The following PDE1C variants were observed in gnomAD, a reference collection of about 807,000 sequenced individuals.
PDE1C encodes the protein phosphodiesterase 1C, also known as dual specificity calcium/calmodulin-dependent 3',5'-cyclic nucleotide phosphodiesterase 1C.
Under a neutral mutation model 93.1 loss-of-function variants are expected in PDE1C, and 62 were observed. That is an observed-to-expected ratio of 0.67 (90% CI 0.54 to 0.82). PDE1C has a LOEUF of 0.82. Among genes scored for constraint, PDE1C ranks in the 40% least tolerant of loss-of-function variants. The pLI is 0.00. For synonymous variants in PDE1C, 325 were observed against 310.1 expected (o/e 1.05, Z -0.50); for missense variants, 742 against 884.6 (o/e 0.84, Z 2.04).
chr7:32,166,890 T>TA (rs1308574256), intron 3 of PDE1C, among the ~76,000 whole-genome samples: 1 of 152,148 alleles, frequency 6.6e-6, no homozygotes, highest in Admixed American at 6.6e-5. Flanking sequence ...AAGTAAGACT[T>TA]AAAGTCTGCC....
At chr7:31,969,226 G>A (rs906361698) in intron 2 of PDE1C, among the ~76,000 whole-genome samples, 1 of 151,894 alleles carries the variant, frequency 6.6e-6, no homozygotes, top group Non-Finnish European at 1.5e-5. Flanking sequence ...GGGAGAAAAT[G>A]TTTGCAACCT....
At chr7:31,965,497 G>A (rs1471437061) in intron 2 of PDE1C, among the ~76,000 whole-genome samples, 1 of 152,224 alleles carries the variant, frequency 6.6e-6, no homozygotes, top group Non-Finnish European at 1.5e-5. Context: ...GTACCTGAAA[G>A]TGACTGGGAG....
At chr7:31,887,625 G>A (rs111823920) in intron 2 of PDE1C, among the ~76,000 whole-genome samples, 201 of 152,278 alleles carry the variant, frequency 1.3e-3, no homozygotes, top group African/African-American at 4.6e-3. Flanking sequence ...ACCGGACACT[G>A]CACTAAATTG....
chr7:32,146,923 T>C (rs998117889), intron 3 of PDE1C, among the ~76,000 whole-genome samples: 2 of 152,186 alleles, frequency 1.3e-5, no homozygotes, highest in Non-Finnish European at 2.9e-5. Flanking sequence ...GTATAAACTA[T>C]GATAAAAATG....
intron 1 of PDE1C, among the ~76,000 whole-genome samples, chr7:32,068,586 A>G (rs901315902): frequency 2.0e-5 from 3 of 151,100 alleles, no homozygotes; most frequent in African/African-American, 7.3e-5. Flanking sequence ...GTTACATTAC[A>G]CTGCAACACC....
intron 17 of PDE1C, among the ~76,000 whole-genome samples, chr7:31,762,559 C>G (rs185491855): frequency 5.9e-4 from 90 of 152,202 alleles, no homozygotes; most frequent in African/African-American, 2.1e-3. Context: ...AGAGTGGTCT[C>G]GAACTCCTGA....
At chr7:32,240,148 G>T (rs972141367) in intron 1 of PDE1C, among the ~76,000 whole-genome samples, 1 of 152,318 alleles carries the variant, frequency 6.6e-6, no homozygotes, top group East Asian at 1.9e-4. Flanking sequence ...CCCATTCTGA[G>T]AGTTACCTTT....
At chr7:32,417,636 C>T (rs1211444477) in intron 1 of PDE1C, among the ~76,000 whole-genome samples, 6 of 132,270 alleles carry the variant, frequency 4.5e-5, no homozygotes, top group African/African-American at 1.2e-4. Flanking sequence ...GGGAAAAGTT[C>T]TATTTTTTTT....
chr7:32,196,447 T>C lies in PDE1C; in HGVS notation c.136+13042A>G, dbSNP rs147142610. Among the ~76,000 whole-genome samples the C allele has an allele frequency of 1.7e-3, 264 of 152,254 alleles. 2 individuals carry two copies. The highest frequency in any genetic ancestry group is 6.0e-3 in the African/African-American group (249 of 41,552). On this transcript the variant is annotated intron_variant, in intron 2 of 18. Transcript: ENST00000396193. ...TTTTCAGCTCGAAGTCTATGGTATA[T>C]GATAAAAAAAGAAAACTCAGGGAAC...
chr7:31,814,071 C>T (rs1233975923), intron 15 of PDE1C, among the ~76,000 whole-genome samples: 20 of 145,002 alleles, frequency 1.4e-4, no homozygotes, highest in Non-Finnish European at 2.3e-4. Context: ...CGCACGCGTG[C>T]ATATATATGT....
At chr7:31,835,088 G>A (rs531798447) in intron 11 of PDE1C, among the ~76,000 whole-genome samples, 127 of 150,648 alleles carry the variant, frequency 8.4e-4, no homozygotes, top group African/African-American at 3.0e-3. Flanking sequence ...GCTGGCCACC[G>A]TGCAAGACAT....
At chr7:32,045,971 C>T (rs1394377649) in intron 2 of PDE1C, among the ~76,000 whole-genome samples, 1 of 152,164 alleles carries the variant, frequency 6.6e-6, no homozygotes, top group Non-Finnish European at 1.5e-5. Flanking sequence ...GAATCATTTG[C>T]TGGATTTAAT....
intron 9 of PDE1C, among the ~76,000 whole-genome samples, chr7:31,846,749 A>G (rs983285571): frequency 2.0e-5 from 3 of 152,138 alleles, no homozygotes; most frequent in African/African-American, 4.8e-5. Context: ...ACTTTTACCA[A>G]TAGTAAAATT....
chr7:31,950,027 G>A (rs1807149713), intron 2 of PDE1C, among the ~76,000 whole-genome samples: 1 of 152,214 alleles, frequency 6.6e-6, no homozygotes, highest in South Asian at 2.1e-4. Flanking sequence ...CACAGAAGAA[G>A]TACATATCCT....
intron 8 of PDE1C, among the ~76,000 whole-genome samples, chr7:31,848,555 G>A (rs531844629): frequency 5.5e-4 from 84 of 152,182 alleles, no homozygotes; most frequent in African/African-American, 1.9e-3. Flanking sequence ...TCTGATAGTG[G>A]CTTGATCTCA....
At chr7:32,189,283 G>T (rs7779008) in intron 2 of PDE1C, among the ~76,000 whole-genome samples, 8,995 of 152,192 alleles carry the variant, frequency 0.059, 481 homozygotes, top group East Asian at 0.33. Context: ...TAGAACAAAA[G>T]CTTATCTGTT....
upstream of PDE1C, among the ~76,000 whole-genome samples, chr7:32,075,572 G>C (rs558527047): frequency 6.6e-6 from 1 of 152,222 alleles, no homozygotes; most frequent in Admixed American, 6.5e-5. Context: ...CTCTGTCTCA[G>C]GAACCACCTT....
At chr7:32,391,464 G>A (rs1784749039) in intron 1 of PDE1C, among the ~76,000 whole-genome samples, 1 of 152,168 alleles carries the variant, frequency 6.6e-6, no homozygotes, top group African/African-American at 2.4e-5. Context: ...GTCAGCAAGA[G>A]TATAGAGAAT....
intron 3 of PDE1C, 119 bp from the exon 4 acceptor site, chr7:31,879,297 A>C: frequency 2.0e-6 from 2 of 992,120 alleles, no homozygotes; most frequent in Non-Finnish European, 2.9e-6. Flanking sequence ...ACCAAATTAA[A>C]TTGGCCACAA....
Sources: gnomAD v4.1 joint callset for allele counts (sites outside exome capture counted in the v4.1 genomes callset) on GRCh38, gnomAD v4.1.1 for gene constraint, MANE v1.5 for transcripts, NCBI Gene and HGNC (gene_info 2026-07-23, HGNC 2026-07-21) for gene names.